SVOPL: variants seen among roughly 807,000 people sequenced by gnomAD.
SVOPL encodes the protein putative transporter SVOPL.
In SVOPL, 60 loss-of-function variants were observed where a neutral mutation model predicts 61.0. The observed-to-expected ratio is 0.98, with a 90% confidence interval of 0.80 to 1.22. The LOEUF is 1.22. Among genes scored for constraint, SVOPL ranks in the 50% most tolerant of loss-of-function variants. SVOPL has a pLI of 0.00. For missense variants in SVOPL, 662 were observed against 643.9 expected, an observed-to-expected ratio of 1.03 and a Z score of -0.30; for synonymous variants, 279 against 250.0, an observed-to-expected ratio of 1.12 and a Z score of -1.09.
intron 14 of SVOPL, among the ~76,000 whole-genome samples, chr7:138,602,291 A>G (rs181599983): frequency 6.6e-6 from 1 of 152,286 alleles, no homozygotes; most frequent in African/African-American, 2.4e-5. Flanking sequence ...AATAGCAGAA[A>G]AAAATAAAAT....
chr7:138,604,676 TCAAAA>T (rs1408184350), intron 14 of SVOPL, among the ~76,000 whole-genome samples: 72 of 8,204 alleles, frequency 8.8e-3, no homozygotes, highest in African/African-American at 0.032. Flanking sequence ...AAACTTTATC[TCAAAA>T]AAAAAAAAAA....
At chr7:138,687,847 G>A (rs541006679) in intron 1 of SVOPL, among the ~76,000 whole-genome samples, 68 of 151,812 alleles carry the variant, frequency 4.5e-4, no homozygotes, top group African/African-American at 1.5e-3. Context: ...CTGTCACCAG[G>A]CTGGAGTGCA....
intron 9 of SVOPL, among the ~76,000 whole-genome samples, chr7:138,641,493 A>G (rs1800780482): frequency 6.6e-6 from 1 of 151,854 alleles, no homozygotes; most frequent in Non-Finnish European, 1.5e-5. Context: ...CAACATGGCG[A>G]AACCCCATCT....
chr7:138,601,231 G>C lies in SVOPL; in HGVS notation c.1354-4701C>G, dbSNP rs71541397. On this transcript the variant is annotated intron_variant, in intron 14 of 15. Coordinates refer to ENST00000674285, the MANE Select transcript of SVOPL (RefSeq NM_001139456.2). ...CGTGCCACTGCACTCTAGCCTGGGC[G>C]ACAGAGCGAGATTCCATCTCAAAAA... is the stretch of plus-strand genomic sequence containing the variant. 6.7e-5 allele frequency among the ~76,000 whole-genome samples: 9 copies of C among 134,416 alleles called. No individual in the cohort carries two copies. In the East Asian group the frequency reaches 1.7e-3, roughly 25 times the overall value. 88.2% of individuals were successfully genotyped at this position (134,416 alleles called of 152,430 possible).
chr7:138,640,231 T>A (rs1184109388), intron 9 of SVOPL, among the ~76,000 whole-genome samples: 4 of 148,716 alleles, frequency 2.7e-5, no homozygotes, highest in African/African-American at 9.9e-5. Context: ...CTTTTTTTTT[T>A]ATATTTATTT....
rs61336369 is a variant in SVOPL at position 138,630,410 on chromosome 7, G to A, written c.790-288C>T. ...TCTTCCTCTGCCCACCAGCACTGGCGCGGGGGTGGGGATGGTAGGAGGAAA... is the reference window on the plus strand; with the variant it reads ...TCTTCCTCTGCCCACCAGCACTGGCACGGGGGTGGGGATGGTAGGAGGAAA... On this transcript the variant is annotated intron_variant, in intron 9 of 15. Transcript: ENST00000674285. 1.6e-4 allele frequency among the ~76,000 whole-genome samples: 24 copies of A among 152,262 alleles called. No homozygotes were observed. In the South Asian group the frequency reaches 2.3e-3, roughly 14 times the overall value.
intron 9 of SVOPL, among the ~76,000 whole-genome samples, chr7:138,641,908 AG>A (rs1800822312): frequency 1.2e-5 from 1 of 81,762 alleles, no homozygotes; most frequent in Non-Finnish European, 2.4e-5. Context: ...ACAGTCAATG[AG>A]TATATATGTA....
chr7:138,598,254 G>A (rs1307865301), intron 14 of SVOPL, among the ~76,000 whole-genome samples: 1 of 152,122 alleles, frequency 6.6e-6, no homozygotes, highest in East Asian at 1.9e-4. Context: ...GACATTACAT[G>A]ATGACACAAG....
At chr7:138,642,618 G>C (rs117139450) in intron 9 of SVOPL, among the ~76,000 whole-genome samples, 3,230 of 151,554 alleles carry the variant, frequency 0.021, 109 homozygotes, top group East Asian at 0.15. Context: ...CTTGAGCTCG[G>C]GAGTTCAAGA....
intron 14 of SVOPL, among the ~76,000 whole-genome samples, chr7:138,597,804 T>G (rs1584762033): frequency 6.6e-6 from 1 of 152,170 alleles, no homozygotes; most frequent in East Asian, 1.9e-4. Flanking sequence ...CTTCTATTAC[T>G]GGACACCAGA....
In SVOPL at chr7:138,656,433, C is replaced by T; in HGVS notation, c.534+15G>A. Reference sequence around the variant, plus strand: ...TAGGATGCCAAAGGCAGGTAGAACTCCTACGTTGCCTTACCTGAGACAAGG... The same window carrying T: ...TAGGATGCCAAAGGCAGGTAGAACTTCTACGTTGCCTTACCTGAGACAAGG... On this transcript the variant is annotated intron_variant, in intron 7 of 15. Coordinates refer to ENST00000674285, the MANE Select transcript of SVOPL (RefSeq NM_001139456.2). 6.2e-7 allele frequency: 1 copy of T among 1,613,632 alleles called. No individual in the cohort carries two copies. Among genetic ancestry groups the T allele is most frequent in the Non-Finnish European group, 8.5e-7 (1 of 1,179,754 alleles).
chr7:138,660,540 A>G, intron 5 of SVOPL: 1 of 986,018 alleles, frequency 1.0e-6, no homozygotes, highest in Non-Finnish European at 1.2e-6. Context: ...GTTCCAGTGG[A>G]AAGATGTACT....
intron 3 of SVOPL, among the ~76,000 whole-genome samples, chr7:138,674,324 G>A (rs184163382): frequency 3.7e-4 from 57 of 152,038 alleles, no homozygotes; most frequent in Admixed American, 2.6e-3. Flanking sequence ...AAACCCAACT[G>A]CTGCTTCTAT....
intron 14 of SVOPL, among the ~76,000 whole-genome samples, chr7:138,599,415 G>T (rs1476258543): frequency 6.6e-6 from 1 of 152,124 alleles, no homozygotes; most frequent in African/African-American, 2.4e-5. Flanking sequence ...ATAGATCCAA[G>T]TATCTATGGA....
intron 1 of SVOPL, 109 bp from the exon 2 acceptor site, chr7:138,679,188 G>A (rs544607734): frequency 2.8e-5 from 20 of 706,212 alleles, no homozygotes; most frequent in Middle Eastern, 2.7e-4. Flanking sequence ...CACAAAAATC[G>A]AATGAGGTAT....
chr7:138,674,891 T>C (rs1802520953), intron 3 of SVOPL, among the ~76,000 whole-genome samples: 1 of 150,206 alleles, frequency 6.7e-6, no homozygotes. Context: ...AGACCAGAGA[T>C]CATTTCACTT....
chr7:138,658,266 T>C (rs1338875240), intron 6 of SVOPL, among the ~76,000 whole-genome samples: 1 of 152,132 alleles, frequency 6.6e-6, no homozygotes, highest in Non-Finnish European at 1.5e-5. Flanking sequence ...TCACTCTAGT[T>C]CGATCCCATC....
At chr7:138,663,596 A>C (rs1179930701) in intron 4 of SVOPL, 29 of 989,676 alleles carry the variant, frequency 2.9e-5, no homozygotes, top group Non-Finnish European at 3.5e-5. Context: ...AACTCTTCAG[A>C]ACATTCATAA....
Position 138,621,190 on chromosome 7 carries a change from C to T in SVOPL, c.1264-55G>A, listed in dbSNP as rs962500271. On this transcript the variant is annotated intron_variant, in intron 13 of 15. Transcript: ENST00000674285. Reference sequence around the variant, plus strand: ...CAGATAATGTCCGTCCTTCCCCGAGCCCTCCTCTTCCCCTTCCTCCCCAGG... The same window carrying T: ...CAGATAATGTCCGTCCTTCCCCGAGTCCTCCTCTTCCCCTTCCTCCCCAGG... 7.3e-5 allele frequency: 107 copies of T among 1,472,984 alleles called. No individual in the cohort carries two copies. The African/African-American group carries it at 1.1e-3, about 15-fold the overall frequency. 91.2% of individuals were successfully genotyped at this position (1,472,984 alleles called of 1,614,324 possible).
Sources: gnomAD v4.1 joint callset for allele counts (sites outside exome capture counted in the v4.1 genomes callset) on GRCh38, gnomAD v4.1.1 for gene constraint, MANE v1.5 for transcripts, NCBI Gene and HGNC (gene_info 2026-07-23, HGNC 2026-07-21) for gene names.